The following WNK1 variants were observed in gnomAD, a reference collection of about 807,000 sequenced individuals.
WNK1 encodes the protein serine/threonine-protein kinase WNK1.
A neutral mutation model predicts 222.8 loss-of-function variants in WNK1; 38 were observed. The observed-to-expected ratio is 0.17, with a 90% CI of 0.13 to 0.22. WNK1 has a LOEUF of 0.22. Ranked by LOEUF, WNK1 falls within the 10% of genes least tolerant of loss-of-function variation. The pLI is 1.00. For synonymous variants in WNK1, 1,090 were observed against 1,092.9 expected (o/e 1.00, Z 0.05); for missense variants, 2,348 against 2,918.4 (o/e 0.80, Z 4.50).
intron 8 of WNK1, among the ~76,000 whole-genome samples, chr12:864,036 T>C (rs143479573): frequency 6.6e-6 from 1 of 152,078 alleles, no homozygotes; most frequent in Non-Finnish European, 1.5e-5. Context: ...ACAGTCTTAT[T>C]CAAGACAACC....
chr12:776,716 T>C (rs1409275955), intron 1 of WNK1, among the ~76,000 whole-genome samples: 11 of 152,136 alleles, frequency 7.2e-5, no homozygotes, highest in Non-Finnish European at 1.2e-4. Flanking sequence ...AGGTGTGAGC[T>C]ACCGCGCCTG....
In WNK1 at chr12:761,308, A is replaced by G. The variant is rs984050285; in HGVS notation, c.759+6984A>G. Among the ~76,000 whole-genome samples the G allele has an allele frequency of 5.4e-5, 8 of 148,226 alleles. 1 individual carries two copies. Among genetic ancestry groups the G allele is most frequent in the African/African-American group, 1.9e-4 (8 of 41,192 alleles). ...TACCATATTAAATACATTATGCTAA[A>G]TGAATATGTTGGAATGATTTTTTAG... On this transcript the variant is annotated intron_variant, in intron 1 of 27. Coordinates refer to ENST00000315939, the MANE Select transcript of WNK1 (RefSeq NM_018979.4).
intron 4 of WNK1, among the ~76,000 whole-genome samples, chr12:846,284 A>C (rs1221232222): frequency 6.6e-6 from 1 of 152,200 alleles, no homozygotes; most frequent in Non-Finnish European, 1.5e-5. Context: ...AGTTGTCATG[A>C]AAGTCTATGC....
At chr12:797,218 CATA>C (rs1291355474) in intron 1 of WNK1, among the ~76,000 whole-genome samples, 2 of 152,162 alleles carry the variant, frequency 1.3e-5, no homozygotes, top group Non-Finnish European at 2.9e-5. Flanking sequence ...ACGCTCTTCT[CATA>C]ATGATTGTGT....
intron 1 of WNK1, among the ~76,000 whole-genome samples, chr12:757,357 T>TTTACTCC (rs1172181129): frequency 1.4e-4 from 3 of 21,964 alleles, no homozygotes; most frequent in Non-Finnish European, 3.3e-4. Context: ...GACGGAGTCT[T>TTTACTCC]GCTCTATCTC....
intron 2 of WNK1, among the ~76,000 whole-genome samples, chr12:823,841 G>T (rs991251544): frequency 1.3e-5 from 2 of 151,654 alleles, no homozygotes; most frequent in Non-Finnish European, 1.5e-5. Flanking sequence ...TCTTCAATGT[G>T]GTTGGGCAAA....
intron 4 of WNK1, among the ~76,000 whole-genome samples, chr12:831,795 C>T (rs900804379): frequency 6.6e-6 from 1 of 151,054 alleles, no homozygotes; most frequent in Non-Finnish European, 1.5e-5. Context: ...CTCTGAGGTC[C>T]CCAATAATGT....
At position 754,186 on chromosome 12, in the gene WNK1, G is replaced by A. The variant is rs1458559455; in HGVS notation, c.621G>A (p.Leu207=). The A allele has an allele frequency of 1.9e-6, 3 of 1,613,672 alleles. No homozygotes were observed. In the African/African-American group the frequency reaches 4.0e-5, roughly 21 times the overall value. ...AGCAGCAGGATGATATCGAAGAGCTGGAGACCAAGGCCGTGGGAATGTCTA... is the reference window on the plus strand; with the variant it reads ...AGCAGCAGGATGATATCGAAGAGCTAGAGACCAAGGCCGTGGGAATGTCTA... ...RSQQQDDIEE[L]ETKAVGMSND... Residue 207 remains leucine, a synonymous_variant, in exon 1 of 28, where the codon CTG becomes CTA. Coordinates refer to ENST00000315939, the MANE Select transcript of WNK1 (RefSeq NM_018979.4).
chr12:869,115 A>G (rs1951928754), intron 8 of WNK1: 1 of 1,613,864 alleles, frequency 6.2e-7, no homozygotes, highest in African/African-American at 1.3e-5. Context: ...GTTATAGGAA[A>G]ACTTCCACAA....
intron 3 of WNK1, among the ~76,000 whole-genome samples, chr12:829,438 T>A (rs1463525103): frequency 6.6e-6 from 1 of 152,170 alleles, no homozygotes; most frequent in African/African-American, 2.4e-5. Flanking sequence ...TTTCATTTTT[T>A]AAAAAATGTA....
chr12:776,495 A>G (rs570048760), intron 1 of WNK1, among the ~76,000 whole-genome samples: 10 of 149,306 alleles, frequency 6.7e-5, no homozygotes, highest in African/African-American at 1.5e-4. Flanking sequence ...CAGTGGCGCA[A>G]TCTTGGCTCA....
intron 5 of WNK1, among the ~76,000 whole-genome samples, chr12:858,980 T>C (rs1950992780): frequency 6.6e-6 from 1 of 152,234 alleles, no homozygotes; most frequent in African/African-American, 2.4e-5. Flanking sequence ...ACTAGTATAC[T>C]ATTACTAATG....
At chr12:802,847 G>A (rs1043991358) in intron 1 of WNK1, among the ~76,000 whole-genome samples, 2 of 152,090 alleles carry the variant, frequency 1.3e-5, no homozygotes, top group Non-Finnish European at 2.9e-5. Context: ...TTTTCTTTTT[G>A]TCAGACTCTG....
chr12:863,326 C>G (rs1365294810), intron 8 of WNK1, among the ~76,000 whole-genome samples: 1 of 152,042 alleles, frequency 6.6e-6, no homozygotes, highest in Non-Finnish European at 1.5e-5. Context: ...TTGGCTAGGT[C>G]TCAAAATGAA....
chr12:879,974 A>G lies in WNK1; in HGVS notation c.2775A>G (p.Pro925=), dbSNP rs748914125. 6.2e-7 allele frequency: 1 copy of G among 1,614,194 alleles called. No individual in the cohort carries two copies. ...LQPAVQSMGI[P]ANLGQAAEVP... ...CAGCAGTTCAGTCCATGGGAATACC[A>G]GCTAACCTTGGACAAGCTGCTGAGG... Residue 925 remains proline, a synonymous_variant, in exon 11 of 28, where the codon CCA becomes CCG. Transcript: ENST00000315939.
chr12:854,276 G>C (rs1051358680), intron 4 of WNK1, among the ~76,000 whole-genome samples: 1 of 151,246 alleles, frequency 6.6e-6, no homozygotes, highest in African/African-American at 2.4e-5. Flanking sequence ...GCTGAGGCAG[G>C]AGGAGTTTGA....
At position 884,333 on chromosome 12, in the gene WNK1, GAC is replaced by G; in HGVS notation, c.3844+94_3844+95del. 6.4e-7 allele frequency: 1 copy of G among 1,550,648 alleles called. No homozygotes were observed. Among genetic ancestry groups the G allele is most frequent in the Non-Finnish European group, 8.9e-7 (1 of 1,126,516 alleles). ...TAATCATAAAGCAGTAATTTATGAT[GAC>G]ACAGATAATAAAAAAGAATAGAAAA... On this transcript the variant is annotated intron_variant, in intron 18 of 27. Coordinates refer to ENST00000315939, the MANE Select transcript of WNK1 (RefSeq NM_018979.4). This position sits in a 1 kb window ranked among gnomAD's most constrained non-coding sequence, Gnocchi z 5.6.
intron 1 of WNK1, among the ~76,000 whole-genome samples, chr12:764,911 T>C (rs1171426920): frequency 1.4e-5 from 2 of 147,468 alleles, no homozygotes; most frequent in African/African-American, 4.9e-5. Flanking sequence ...TGATCTTGGC[T>C]CACTGTAACC....
chr12:786,785 G>C (rs1370891803), intron 1 of WNK1, among the ~76,000 whole-genome samples: 1 of 151,848 alleles, frequency 6.6e-6, no homozygotes, highest in Non-Finnish European at 1.5e-5. Flanking sequence ...TCTTTTTTAT[G>C]TCATTTTAAT....
Sources: allele counts gnomAD v4.1 joint callset (sites outside exome capture counted in the v4.1 genomes callset), GRCh38; gene constraint gnomAD v4.1.1; non-coding constraint Gnocchi (gnomAD v3.1); transcripts MANE v1.5; gene names NCBI Gene and HGNC (gene_info 2026-07-23, HGNC 2026-07-21).